Variants in BSN observed in about 807,000 individuals in gnomAD.
BSN encodes the protein bassoon presynaptic cytomatrix protein.
In BSN, 57 loss-of-function variants were observed where a neutral mutation model predicts 264.8. The ratio of observed to expected loss-of-function variants is 0.22; its 90% CI spans 0.17 to 0.27. The LOEUF is 0.27. Among genes scored for constraint, BSN ranks in the 10% least tolerant of loss-of-function variants. The pLI is 1.00. For missense variants in BSN, 4,615 were observed against 5,232.5 expected, an observed-to-expected ratio of 0.88 and a Z score of 3.64; for synonymous variants, 2,059 against 2,137.3, an observed-to-expected ratio of 0.96 and a Z score of 1.01.
At chr3:49,586,837 G>A (rs2051941373) in intron 1 of BSN, among the ~76,000 whole-genome samples, 1 of 152,212 alleles carries the variant, frequency 6.6e-6, no homozygotes. Context: ...TTGAAGCCAG[G>A]TAATATGATT....
At chr3:49,583,658 G>A (rs1447689810) in intron 1 of BSN, among the ~76,000 whole-genome samples, 2 of 152,114 alleles carry the variant, frequency 1.3e-5, no homozygotes, top group African/African-American at 4.8e-5. Flanking sequence ...ATGGTTAGTA[G>A]GATTCACCAG....
chr3:49,662,081 CAAG>C lies in BSN; in HGVS notation c.10242_10244del (p.Lys3414del). 3 of 1,613,600 alleles carry C rather than the reference CAAG, an allele frequency of 1.9e-6. No individual in the cohort carries two copies. Among genetic ancestry groups the C allele is most frequent in the Non-Finnish European group, 2.5e-6 (3 of 1,180,048 alleles). The stretch of plus-strand genomic sequence containing the variant: ...TCCAGGATGAAATCACCTATGGGCT[CAAG>C]AAGAACGTGTATGAGCAGCAAAAAT... On this transcript the variant is annotated inframe_deletion, in exon 6 of 12. Transcript: ENST00000296452.
At chr3:49,594,890 A>T (rs1575432161) in intron 1 of BSN, among the ~76,000 whole-genome samples, 1 of 144,318 alleles carries the variant, frequency 6.9e-6, no homozygotes. Context: ...AGATCCTACA[A>T]TTTTTTTTTT....
chr3:49,604,908 G>A (rs925909104), intron 1 of BSN, among the ~76,000 whole-genome samples: 2 of 151,588 alleles, frequency 1.3e-5, no homozygotes, highest in African/African-American at 4.9e-5. Flanking sequence ...CTAAGACCCT[G>A]TCATTTCTTC....
At chr3:49,611,724 C>T (rs541390779) in intron 1 of BSN, among the ~76,000 whole-genome samples, 4 of 152,302 alleles carry the variant, frequency 2.6e-5, no homozygotes, top group Non-Finnish European at 4.4e-5. Flanking sequence ...CTGGAAAGGC[C>T]AGGAAGGTCT....
intron 1 of BSN, among the ~76,000 whole-genome samples, chr3:49,561,578 A>G (rs2051711925): frequency 1.3e-5 from 2 of 152,350 alleles, no homozygotes; most frequent in African/African-American, 2.4e-5. Context: ...GACAAAAATT[A>G]TGCACTATAT....
Position 49,654,373 on chromosome 3 carries a change from C to A in BSN, c.4817C>A (p.Pro1606His). 1 of 1,609,396 alleles carries A rather than the reference C, an allele frequency of 6.2e-7. No individual in the cohort carries two copies. Among genetic ancestry groups the A allele is most frequent in the Middle Eastern group, 1.7e-4 (1 of 6,028 alleles). ...QTTPPSVSQL[P>H]PEPPGPPGFP... Reference sequence around the variant, plus strand: ...ACACCTCCGAGTGTGTCTCAGCTGCCCCCAGAGCCACCTGGGCCACCTGGC... The same window carrying A: ...ACACCTCCGAGTGTGTCTCAGCTGCACCCAGAGCCACCTGGGCCACCTGGC... The change falls in exon 5 of 12, where the codon CCC becomes CAC. Residue 1606 changes from proline (P) to histidine (H), a missense_variant. Around this residue, in one of 3 missense-constraint regions of BSN, gnomAD observed 3,415 missense variants for 3,866.4 expected, o/e 0.88. Coordinates refer to ENST00000296452, the MANE Select transcript of BSN (RefSeq NM_003458.4). The surrounding 1 kb of genome is among the most constrained non-coding windows in gnomAD (Gnocchi z 4.1).
At chr3:49,606,235 A>ATATGTATATATTATATATACATATAT (rs2052145146) in intron 1 of BSN, among the ~76,000 whole-genome samples, 2 of 59,710 alleles carry the variant, frequency 3.3e-5, no homozygotes, top group Non-Finnish European at 5.9e-5. Context: ...TACATATATT[A>ATATGTATATATTATATATACATATAT]TATATGTATA....
rs146951422 is a variant in BSN, at chr3:49,661,938, A to G, written c.10093A>G (p.Met3365Val). The G allele has an allele frequency of 6.3e-4, 1,020 of 1,613,982 alleles. 3 individuals are homozygous for G. In the Middle Eastern group the frequency reaches 8.9e-3, roughly 14 times the overall value. The change falls in exon 6 of 12, where the codon ATG becomes GTG. Residue 3365 changes from methionine (M) to valine (V), a missense_variant. Coordinates refer to ENST00000296452, the MANE Select transcript of BSN (RefSeq NM_003458.4). ...SKRSKHRKQG[M>V]EQKISKFSPI... ...GCGCAGCAAGCACCGGAAGCAGGGC[A>G]TGGAGCAAAAGATATCCAAGTTCTC...
chr3:49,652,270 A>G lies in BSN; in HGVS notation c.2714A>G (p.Tyr905Cys), dbSNP rs1575447986. Reference sequence around the variant, plus strand: ...CTGCCCCACAATGCCACCACGGGCTATGAGGAGCTGCTCCCTGAGGGAGGC... The same window carrying G: ...CTGCCCCACAATGCCACCACGGGCTGTGAGGAGCTGCTCCCTGAGGGAGGC... Reference protein sequence around the residue: ...RRLPHNATTGYEELLPEGGSA... With the variant: ...RRLPHNATTGCEELLPEGGSA... The change falls in exon 5 of 12, where the codon TAT becomes TGT. Residue 905 changes from tyrosine to cysteine, a missense_variant. Tyr to Cys is a radical substitution (Grantham distance 194). Transcript: ENST00000296452. 4 of 1,601,366 alleles carry G rather than the reference A, an allele frequency of 2.5e-6. No homozygotes were observed. In the African/African-American group the frequency reaches 5.4e-5, roughly 21 times the overall value.
intron 2 of BSN, among the ~76,000 whole-genome samples, chr3:49,637,891 C>T (rs1014974463): frequency 5.9e-5 from 9 of 152,218 alleles, no homozygotes; most frequent in African/African-American, 1.7e-4. Flanking sequence ...CCATGGAGGT[C>T]CCTACCAGTC....
rs754530593 is a variant in BSN at position 49,654,175 on chromosome 3, C to G, written c.4619C>G (p.Pro1540Arg). ...VAQGTQTPHRPSTPRLVWQES... is the reference protein window; with the variant it reads ...VAQGTQTPHRRSTPRLVWQES... ...CAGGGTACACAAACACCACATCGAC[C>G]CAGCACGCCTCGCCTGGTGTGGCAG... The change falls in exon 5 of 12, where the codon CCC (proline) becomes CGC (arginine). Residue 1540 changes from proline to arginine, a missense_variant. Pro to Arg is a moderately radical substitution (Grantham distance 103). This residue lies in a region of BSN where 3,415 missense variants were observed against 3,866.4 expected (regional missense o/e 0.88). Coordinates refer to ENST00000296452, the MANE Select transcript of BSN (RefSeq NM_003458.4). This position sits in a 1 kb window ranked among gnomAD's most constrained non-coding sequence, Gnocchi z 4.1. The G allele has an allele frequency of 6.2e-7, 1 of 1,614,088 alleles. No homozygotes were observed. The highest frequency in any genetic ancestry group is 8.5e-7 in the Non-Finnish European group (1 of 1,180,032).
chr3:49,643,557 G>T (rs1225113305), intron 3 of BSN, among the ~76,000 whole-genome samples: 1 of 152,208 alleles, frequency 6.6e-6, no homozygotes, highest in Non-Finnish European at 1.5e-5. Flanking sequence ...GAATGGCCAT[G>T]ATGCAGAGGG....
chr3:49,664,423 G>C lies in BSN; in HGVS notation c.11609G>C (p.Gly3870Ala). The part of the protein sequence containing the change: ...AQPAPGPGPA[G>A]VKAGARPGGT... Reference sequence around the variant, plus strand: ...ATTATGGCGATTTCTTTCCTCCTAGGTGTGAAGGCTGGAGCCAGGCCTGGA... The same window carrying C: ...ATTATGGCGATTTCTTTCCTCCTAGCTGTGAAGGCTGGAGCCAGGCCTGGA... Residue 3870 changes from glycine to alanine, a missense_variant and splice_region_variant, in exon 9 of 12, where the codon GGT becomes GCT. Around this residue, in one of 3 missense-constraint regions of BSN, gnomAD observed 3,415 missense variants for 3,866.4 expected, o/e 0.88. Transcript: ENST00000296452. 1 of 1,613,722 alleles carries C rather than the reference G, an allele frequency of 6.2e-7. No individual in the cohort carries two copies.
intron 2 of BSN, among the ~76,000 whole-genome samples, chr3:49,634,082 C>G (rs1246943375): frequency 6.6e-6 from 1 of 152,100 alleles, no homozygotes; most frequent in Non-Finnish European, 1.5e-5. Context: ...TTGGCCCATG[C>G]CTGTAGTCCC....
chr3:49,667,308 CAAA>C (rs34434564), intron 11 of BSN, among the ~76,000 whole-genome samples: 72 of 118,036 alleles, frequency 6.1e-4, no homozygotes, highest in East Asian at 9.3e-4. Flanking sequence ...ACTCTTAAGC[CAAA>C]AAAAAAAAAA....
intron 1 of BSN, among the ~76,000 whole-genome samples, chr3:49,575,471 T>A (rs2051837714): frequency 6.8e-6 from 1 of 147,826 alleles, no homozygotes; most frequent in South Asian, 2.1e-4. Flanking sequence ...AATATATATA[T>A]GTGTATATAT....
At position 49,603,681 on chromosome 3, in the gene BSN, C is replaced by T. The variant is rs867580795; in HGVS notation, c.225-21294C>T. ...TTCTCTGATCTTACACGGGGATTCT[C>T]TCTTTCTCTGTGAATTCACATCATA... On this transcript the variant is annotated intron_variant, in intron 1 of 11. Transcript: ENST00000296452. Among the ~76,000 whole-genome samples, 4 of 152,176 alleles carry T rather than the reference C, an allele frequency of 2.6e-5. No individual in the cohort carries two copies. In the South Asian group the frequency reaches 6.2e-4, roughly 24 times the overall value.
In BSN at chr3:49,670,451, T is replaced by G. The variant is rs2052746952; in HGVS notation, c.*2966T>G. On this transcript the variant is annotated 3_prime_UTR_variant, in exon 12 of 12. Transcript: ENST00000296452. ...TTGAAATTCTGACATCTGCCACTCC[T>G]CATCCCCCACTGTACCCACAGGATA... The G allele has an allele frequency of 6.6e-6, 1 of 152,380 alleles. No homozygotes were observed. The highest frequency in any genetic ancestry group is 2.1e-4 in the South Asian group (1 of 4,832). 9.4% of individuals were successfully genotyped at this position (152,380 alleles called of 1,614,324 possible).
Sources: gnomAD v4.1 joint callset for allele counts (sites outside exome capture counted in the v4.1 genomes callset) on GRCh38, gnomAD v4.1.1 for gene constraint, gnomAD v4.1.1 regional missense constraint, Gnocchi (gnomAD v3.1) non-coding constraint, MANE v1.5 for transcripts, NCBI Gene and HGNC (gene_info 2026-07-23, HGNC 2026-07-21) for gene names.